The following MCTP1 variants were observed in gnomAD, a reference collection of about 807,000 sequenced individuals.
MCTP1 encodes the protein multiple C2 and transmembrane domain-containing protein 1.
MCTP1 carries 69 observed loss-of-function variants against 120.6 expected under a neutral mutation model. The observed-to-expected ratio is 0.57, with a 90% CI of 0.47 to 0.70. The LOEUF (loss-of-function observed/expected upper bound fraction) is 0.70. Ranked by LOEUF, MCTP1 falls within the 30% of genes least tolerant of loss-of-function variation. MCTP1 has a pLI of 0.00. For missense variants in MCTP1, 1,203 were observed against 1,248.8 expected (o/e 0.96, Z 0.55); for synonymous variants, 529 against 493.1 (o/e 1.07, Z -0.96).
chr5:95,127,621 G>A (rs1345291820), intron 1 of MCTP1, among the ~76,000 whole-genome samples: 2 of 152,122 alleles, frequency 1.3e-5, no homozygotes, highest in Non-Finnish European at 2.9e-5. Flanking sequence ...CCCAGATTGC[G>A]GGCTTGTGAA....
intron 17 of MCTP1, among the ~76,000 whole-genome samples, chr5:94,838,100 A>G (rs930960301): frequency 2.0e-5 from 3 of 152,206 alleles, no homozygotes; most frequent in African/African-American, 7.2e-5. Context: ...CTCTGAAACT[A>G]AATCAACCTA....
intron 8 of MCTP1, among the ~76,000 whole-genome samples, chr5:94,916,777 C>T (rs1810179269): frequency 6.6e-6 from 1 of 152,162 alleles, no homozygotes; most frequent in African/African-American, 2.4e-5. Flanking sequence ...ATCCTCTGAC[C>T]CCATCTAGAC....
chr5:94,962,896 C>A (rs551646023), intron 2 of MCTP1, among the ~76,000 whole-genome samples: 1 of 151,994 alleles, frequency 6.6e-6, no homozygotes, highest in East Asian at 1.9e-4. Context: ...CATAATAAAT[C>A]TTTAAACTTG....
chr5:94,782,782 A>G (rs1364044722), intron 18 of MCTP1, among the ~76,000 whole-genome samples: 1 of 152,154 alleles, frequency 6.6e-6, no homozygotes, highest in East Asian at 1.9e-4. Context: ...TGTGGGCAAT[A>G]ATTTAATGAA....
intron 17 of MCTP1, among the ~76,000 whole-genome samples, chr5:94,824,759 G>C (rs1232405805): frequency 2.0e-5 from 3 of 152,154 alleles, no homozygotes; most frequent in Non-Finnish European, 4.4e-5. Flanking sequence ...TCCTGGTTTA[G>C]TCTTGGGAGG....
chr5:94,975,033 G>T (rs1177266218), intron 2 of MCTP1, among the ~76,000 whole-genome samples: 2 of 152,076 alleles, frequency 1.3e-5, no homozygotes, highest in African/African-American at 4.8e-5. Flanking sequence ...TCTTACGATT[G>T]TTTTTCTGTT....
intron 3 of MCTP1, 68 bp downstream of exon 3, chr5:94,953,151 T>C (rs139645021): frequency 1.4e-6 from 2 of 1,428,710 alleles, no homozygotes; most frequent in Admixed American, 2.2e-5. Flanking sequence ...CAAAGAAACA[T>C]GATAAAACCC....
At chr5:94,906,567 G>A (rs1006818221) in intron 10 of MCTP1, among the ~76,000 whole-genome samples, 2 of 152,054 alleles carry the variant, frequency 1.3e-5, no homozygotes, top group Non-Finnish European at 2.9e-5. Context: ...TTTGCAAGTG[G>A]CTCTTTCATT....
intron 6 of MCTP1, among the ~76,000 whole-genome samples, chr5:94,926,199 G>A (rs551622884): frequency 6.6e-6 from 1 of 152,250 alleles, no homozygotes; most frequent in East Asian, 1.9e-4. Context: ...GTCGTAATGT[G>A]TACAGAGCTT....
intron 1 of MCTP1, among the ~76,000 whole-genome samples, chr5:95,089,335 T>C (rs1186725225): frequency 6.6e-6 from 1 of 152,148 alleles, no homozygotes; most frequent in Non-Finnish European, 1.5e-5. Context: ...AGAGTTTAAT[T>C]TGAAAGTCAT....
chr5:94,777,934 G>A (rs1269064417), intron 19 of MCTP1, among the ~76,000 whole-genome samples: 2 of 92,954 alleles, frequency 2.2e-5, no homozygotes, highest in Non-Finnish European at 5.8e-5. Context: ...GTGCGTGTGT[G>A]TGTGTGTGTG....
chr5:95,010,748 G>A (rs1474079768), intron 2 of MCTP1, among the ~76,000 whole-genome samples: 1 of 152,056 alleles, frequency 6.6e-6, no homozygotes, highest in Non-Finnish European at 1.5e-5. Flanking sequence ...TCCACTGAAA[G>A]TTGTTTTTGT....
rs1754272759 is a variant in MCTP1, at chr5:95,226,409, C to T, written c.720+57447G>A. Among the ~76,000 whole-genome samples the T allele has an allele frequency of 3.3e-5, 5 of 152,138 alleles. No individual in the cohort carries two copies. In the South Asian group the frequency reaches 1.0e-3, roughly 32 times the overall value. ...GTCCACTAAGCAATACCAAAGAATA[C>T]TTAAATGAGCAAAACTAAGTGAGCA... is the stretch of plus-strand genomic sequence containing the variant. On this transcript the variant is annotated intron_variant, in intron 1 of 22. Transcript: ENST00000515393.
At chr5:95,125,759 G>A (rs983343407) in intron 1 of MCTP1, among the ~76,000 whole-genome samples, 5 of 152,280 alleles carry the variant, frequency 3.3e-5, no homozygotes, top group Admixed American at 1.3e-4. Flanking sequence ...CACAATCAGG[G>A]TATAAATGAA....
At chr5:95,244,045 G>C (rs17084553) in intron 1 of MCTP1, among the ~76,000 whole-genome samples, 7,914 of 152,238 alleles carry the variant, frequency 0.052, 262 homozygotes, top group African/African-American at 0.059. Flanking sequence ...AAAAGACAGA[G>C]AGAGTATCTC....
intron 1 of MCTP1, among the ~76,000 whole-genome samples, chr5:95,222,497 T>C (rs927214180): frequency 1.3e-5 from 2 of 152,280 alleles, no homozygotes; most frequent in African/African-American, 4.8e-5. Context: ...TACACATTGA[T>C]ACCTAATTGT....
chr5:95,111,785 G>T (rs1235432650), intron 1 of MCTP1, among the ~76,000 whole-genome samples: 2 of 152,260 alleles, frequency 1.3e-5, no homozygotes, highest in Non-Finnish European at 2.9e-5. Context: ...TGCCTCTGCA[G>T]TTAATTTTTC....
chr5:94,763,556 C>T (rs1337559885), intron 19 of MCTP1, among the ~76,000 whole-genome samples: 2 of 152,194 alleles, frequency 1.3e-5, no homozygotes, highest in African/African-American at 4.8e-5. Context: ...CAAAACTATT[C>T]ATTACTTTAT....
At chr5:95,044,191 A>G (rs1842796289) in intron 1 of MCTP1, among the ~76,000 whole-genome samples, 2 of 152,212 alleles carry the variant, frequency 1.3e-5, no homozygotes, top group African/African-American at 4.8e-5. Flanking sequence ...CTCAGAAGTT[A>G]AGTCCACAGA....
Sources: gnomAD v4.1 joint callset for allele counts (sites outside exome capture counted in the v4.1 genomes callset) on GRCh38, gnomAD v4.1.1 for gene constraint, MANE v1.5 for transcripts, NCBI Gene and HGNC (gene_info 2026-07-23, HGNC 2026-07-21) for gene names.